Variants in SVOP observed in about 807,000 individuals in gnomAD.
SVOP encodes synaptic vesicle 2-related protein.
A neutral mutation model predicts 69.1 loss-of-function variants in SVOP; 17 were observed. That is an observed-to-expected ratio of 0.25 (90% CI 0.17 to 0.37). SVOP has a LOEUF of 0.37. Ranked by LOEUF, SVOP falls within the 10% of genes least tolerant of loss-of-function variation. The probability of loss-of-function intolerance (pLI) is 1.00; values close to 1 mark genes in which losing one functional copy is unlikely to be tolerated. For synonymous variants in SVOP, 238 were observed against 238.6 expected, an observed-to-expected ratio of 1.00 and a Z score of 0.02; for missense variants, 435 against 597.5, an observed-to-expected ratio of 0.73 and a Z score of 2.84.
chr12:108,993,082 A>G (rs2040211306), intron 1 of SVOP, among the ~76,000 whole-genome samples: 1 of 152,044 alleles, frequency 6.6e-6, no homozygotes, highest in Non-Finnish European at 1.5e-5. Context: ...ACCCAGGCTC[A>G]CTGCAACCTC....
intron 1 of SVOP, among the ~76,000 whole-genome samples, chr12:108,998,121 C>A (rs2040247230): frequency 6.6e-6 from 1 of 152,118 alleles, no homozygotes. Flanking sequence ...CTTAAAGGAG[C>A]TAATGGAGCT....
At chr12:109,009,725 G>C (rs1248783449) in intron 1 of SVOP, among the ~76,000 whole-genome samples, 4 of 151,984 alleles carry the variant, frequency 2.6e-5, no homozygotes, top group Non-Finnish European at 4.4e-5. Context: ...CTAGAGCAGT[G>C]GTTTTCAACC....
chr12:108,964,068 T>C (rs996129098), intron 5 of SVOP, among the ~76,000 whole-genome samples: 5 of 152,110 alleles, frequency 3.3e-5, no homozygotes, highest in African/African-American at 1.2e-4. Context: ...AAGAAAGTTA[T>C]TCAGGTCCGG....
chr12:109,004,819 C>A (rs2040295895), intron 1 of SVOP, among the ~76,000 whole-genome samples: 1 of 152,030 alleles, frequency 6.6e-6, no homozygotes, highest in East Asian at 1.9e-4. Context: ...CTCACTGCAA[C>A]CTCCGTCTCC....
At chr12:108,982,301 A>G (rs2040140680) in intron 2 of SVOP, among the ~76,000 whole-genome samples, 1 of 150,744 alleles carries the variant, frequency 6.6e-6, no homozygotes, top group African/African-American at 2.5e-5. Flanking sequence ...CATCACCACC[A>G]CCACCATCAT....
chr12:109,019,050 C>T (rs1416704380), intron 1 of SVOP, among the ~76,000 whole-genome samples: 3 of 152,116 alleles, frequency 2.0e-5, no homozygotes, highest in Non-Finnish European at 4.4e-5. Context: ...TGTACTTAAC[C>T]AGTACACAAT....
chr12:109,004,331 T>C (rs1285554993), intron 1 of SVOP, among the ~76,000 whole-genome samples: 2 of 151,700 alleles, frequency 1.3e-5, no homozygotes, highest in Non-Finnish European at 2.9e-5. Flanking sequence ...GTTGTCAACC[T>C]AAAGATCTTG....
intron 6 of SVOP, among the ~76,000 whole-genome samples, chr12:108,948,734 G>T (rs2039938248): frequency 6.6e-6 from 1 of 152,126 alleles, no homozygotes; most frequent in African/African-American, 2.4e-5. Flanking sequence ...TACTACCAAA[G>T]TGGTTCTCCA....
chr12:108,986,316 A>G (rs1293926550), intron 1 of SVOP, among the ~76,000 whole-genome samples: 2 of 152,208 alleles, frequency 1.3e-5, no homozygotes, highest in East Asian at 3.8e-4. Flanking sequence ...GGATTCAACC[A>G]CAGGTTTATC....
At chr12:108,943,686 C>A (rs1007691543) in intron 7 of SVOP, among the ~76,000 whole-genome samples, 6 of 152,018 alleles carry the variant, frequency 3.9e-5, no homozygotes, top group African/African-American at 1.5e-4. Context: ...TTGCTGAATC[C>A]TGGGAAGCCC....
intron 1 of SVOP, among the ~76,000 whole-genome samples, chr12:108,987,440 CT>C (rs1425002629): frequency 6.6e-6 from 1 of 152,158 alleles, no homozygotes; most frequent in Non-Finnish European, 1.5e-5. Context: ...CCTGCTTTCA[CT>C]TATTTTAGAT....
At chr12:108,989,575 C>T (rs1329503256) in intron 1 of SVOP, among the ~76,000 whole-genome samples, 1 of 152,148 alleles carries the variant, frequency 6.6e-6, no homozygotes, top group African/African-American at 2.4e-5. Context: ...GTTACACCCT[C>T]ATATGAGTCA....
rs1257301524 is a variant in SVOP, at chr12:108,949,922, T to C, written c.579-4756A>G. ...CCCGGGAGTAGCCCTCACTGGACAG[T>C]TCCCTCATCCTTGAAGTGGGACCAT... On this transcript the variant is annotated intron_variant, in intron 6 of 15. Transcript: ENST00000610966. Among the ~76,000 whole-genome samples, 7 of 152,294 alleles carry C rather than the reference T, an allele frequency of 4.6e-5. No homozygotes were observed. The East Asian group carries it at 1.4e-3, about 29-fold the overall frequency.
chr12:108,983,579 C>T (rs2040153442), intron 2 of SVOP, 22 bp downstream of exon 2: 1 of 398,708 alleles, frequency 2.5e-6, no homozygotes, highest in South Asian at 1.3e-4. Flanking sequence ...AGGCTGATTC[C>T]CCAACTGCAG....
chr12:108,982,961 C>T (rs2040148838), intron 2 of SVOP, among the ~76,000 whole-genome samples: 1 of 149,418 alleles, frequency 6.7e-6, no homozygotes, highest in Non-Finnish European at 1.5e-5. Flanking sequence ...TGATCACCAT[C>T]ATCATCATCA....
Position 108,977,486 on chromosome 12 carries a change from G to A in SVOP, c.293C>T (p.Ala98Val). Residue 98 changes from alanine (A) to valine (V), a missense_variant, in exon 4 of 16, where the codon GCC becomes GTC. Physicochemically the swap from Ala to Val is moderately conservative, Grantham distance 64. Transcript: ENST00000610966. ...GATGCTGAGGATCATCATCTCCATG[G>A]CATCAGCCATCTGCAGAGAGGACGG... ...VLTGLAWMADAMEMMILSILA... is the reference protein window; with the variant it reads ...VLTGLAWMADVMEMMILSILA... 6.5e-7 allele frequency: 1 copy of A among 1,532,338 alleles called. No homozygotes were observed. Among genetic ancestry groups the A allele is most frequent in the Non-Finnish European group, 8.8e-7 (1 of 1,142,484 alleles). 94.9% of individuals were successfully genotyped at this position (1,532,338 alleles called of 1,614,324 possible).
At chr12:108,945,032 G>A in intron 7 of SVOP, 71 bp downstream of exon 7, 1 of 1,387,874 alleles carries the variant, frequency 7.2e-7, no homozygotes, top group Non-Finnish European at 9.9e-7. Flanking sequence ...CTTGACCTGT[G>A]GTTCAAGACA....
intron 6 of SVOP, among the ~76,000 whole-genome samples, chr12:108,952,096 G>A (rs375614123): frequency 2.6e-5 from 4 of 152,158 alleles, no homozygotes; most frequent in African/African-American, 9.7e-5. Flanking sequence ...AAGTCCCATG[G>A]AGTCTAGAGG....
At chr12:109,016,735 G>A (rs1212674855) in intron 1 of SVOP, among the ~76,000 whole-genome samples, 1 of 142,372 alleles carries the variant, frequency 7.0e-6, no homozygotes, top group Non-Finnish European at 1.5e-5. Context: ...CCTGTACCCT[G>A]CATTAGTTCT....
Sources: gnomAD v4.1 joint callset for allele counts (sites outside exome capture counted in the v4.1 genomes callset) on GRCh38, gnomAD v4.1.1 for gene constraint, MANE v1.5 for transcripts, NCBI Gene and HGNC (gene_info 2026-07-23, HGNC 2026-07-21) for gene names.